Variants in NSD3 observed in about 807,000 individuals in gnomAD.
NSD3 encodes histone-lysine N-methyltransferase NSD3.
Under a neutral mutation model 160.8 loss-of-function variants are expected in NSD3, and 24 were observed. The ratio of observed to expected loss-of-function variants is 0.15; its 90% CI spans 0.11 to 0.21. The LOEUF (loss-of-function observed/expected upper bound fraction) is 0.21. NSD3 is among the 10% of genes least tolerant of loss of function. The probability of loss-of-function intolerance (pLI) is 1.00; values close to 1 mark genes in which losing one functional copy is unlikely to be tolerated. For synonymous variants in NSD3, 520 were observed against 600.0 expected (o/e 0.87, Z 1.95); for missense variants, 1,157 against 1,735.9 (o/e 0.67, Z 5.93).
chr8:38,374,354 CACCT>C (rs1811335587), intron 1 of NSD3, among the ~76,000 whole-genome samples: 1 of 152,032 alleles, frequency 6.6e-6, no homozygotes, highest in Non-Finnish European at 1.5e-5. Context: ...AGAAAAAGCA[CACCT>C]ATGTAGAAAA....
At chr8:38,281,651 T>C (rs1461020073) in intron 19 of NSD3, 68 bp from the exon 20 acceptor site, 26 of 915,718 alleles carry the variant, frequency 2.8e-5, no homozygotes, top group African/African-American at 5.1e-5. Flanking sequence ...TAATGACACA[T>C]GTATAACCCA....
intron 12 of NSD3, among the ~76,000 whole-genome samples, chr8:38,312,726 C>T (rs1809563661): frequency 6.6e-6 from 1 of 152,148 alleles, no homozygotes; most frequent in African/African-American, 2.4e-5. Flanking sequence ...ACTTTGCCTT[C>T]TGCCATGATT....
chr8:38,355,972 T>A (rs1810814181), intron 1 of NSD3, among the ~76,000 whole-genome samples: 1 of 152,210 alleles, frequency 6.6e-6, no homozygotes, highest in South Asian at 2.1e-4. Context: ...TCCACAGCAT[T>A]GGCTCTTAAC....
In NSD3 at chr8:38,348,038, C is replaced by T. The variant is rs1258188711; in HGVS notation, c.134G>A (p.Gly45Asp). Residue 45 changes from glycine to aspartate, a missense_variant, in exon 2 of 24, where the codon GGC (glycine) becomes GAC (aspartate). Physicochemically the swap from Gly to Asp is moderately conservative, Grantham distance 94. Coordinates refer to ENST00000317025, the MANE Select transcript of NSD3 (RefSeq NM_023034.2). ...CAAAGTAGCTTCATATGGTGTCTGG[C>T]CACCATCTTCAGCAATGTCACTGTT... is the stretch of plus-strand genomic sequence containing the variant. ...DNNSDIAEDG[G>D]QTPYEATLQQ... 6.2e-7 allele frequency: 1 copy of T among 1,614,164 alleles called. No individual in the cohort carries two copies. Among genetic ancestry groups the T allele is most frequent in the East Asian group, 2.2e-5 (1 of 44,884 alleles).
chr8:38,350,213 C>G (rs921507863), intron 1 of NSD3, among the ~76,000 whole-genome samples: 2 of 152,096 alleles, frequency 1.3e-5, no homozygotes, highest in South Asian at 2.1e-4. Flanking sequence ...TAATGGGATG[C>G]CTGGGTCAAA....
At chr8:38,305,942 G>A (rs1809382237) in intron 12 of NSD3, among the ~76,000 whole-genome samples, 2 of 151,918 alleles carry the variant, frequency 1.3e-5, no homozygotes, top group African/African-American at 4.8e-5. Context: ...CCACAAAAAA[G>A]ACAATTACTT....
At chr8:38,306,861 T>C (rs1809408265) in intron 12 of NSD3, among the ~76,000 whole-genome samples, 1 of 152,076 alleles carries the variant, frequency 6.6e-6, no homozygotes, top group Non-Finnish European at 1.5e-5. Context: ...ATGCCTGTAA[T>C]CCCAGCACTT....
chr8:38,341,103 C>T (rs941358265), intron 2 of NSD3, among the ~76,000 whole-genome samples: 2 of 152,094 alleles, frequency 1.3e-5, no homozygotes, highest in African/African-American at 4.8e-5. Context: ...TGCACTCCAG[C>T]CTGGGTGATG....
chr8:38,372,807 C>G (rs1459278006), intron 1 of NSD3, among the ~76,000 whole-genome samples: 4 of 145,162 alleles, frequency 2.8e-5, no homozygotes, highest in African/African-American at 5.1e-5. Flanking sequence ...CAGGTTCTTA[C>G]TATTATTAAA....
intron 1 of NSD3, chr8:38,380,879 C>A (rs1254006802): frequency 1.3e-5 from 2 of 152,090 alleles, no homozygotes; most frequent in Non-Finnish European, 2.9e-5. Context: ...CCCTTTAAAT[C>A]GAAATAATCT....
At position 38,318,793 on chromosome 8, in the gene NSD3, C is replaced by T. The variant is rs765233464; in HGVS notation, c.1855+102G>A. 8.7e-7 allele frequency: 1 copy of T among 1,149,324 alleles called. No individual in the cohort carries two copies. Among genetic ancestry groups the T allele is most frequent in the Non-Finnish European group, 1.3e-6 (1 of 773,886 alleles). 71.2% of individuals were successfully genotyped at this position (1,149,324 alleles called of 1,614,324 possible). A position where few individuals can be genotyped will look rare whatever the true frequency, so the allele number is the denominator to read the frequency against. On this transcript the variant is annotated intron_variant, in intron 9 of 23. Coordinates refer to ENST00000317025, the MANE Select transcript of NSD3 (RefSeq NM_023034.2). The surrounding 1 kb of genome is among the most constrained non-coding windows in gnomAD (Gnocchi z 5.3). ...ACTGCAATTTCACACTGAAGAGCAA[C>T]AACGATTTACAGAGACAGACAAAAA...
At position 38,293,387 on chromosome 8, in the gene NSD3, T is replaced by C. The variant is rs562976430; in HGVS notation, c.2915+2409A>G. ...CAACATGGTGAAACCCCGTCTCTAC[T>C]AAAAATACAAAAATTAGCCAGGCGT... On this transcript the variant is annotated intron_variant, in intron 16 of 23. Transcript: ENST00000317025. Among the ~76,000 whole-genome samples the C allele has an allele frequency of 5.3e-5, 8 of 150,240 alleles. No homozygotes were observed. In the East Asian group the frequency reaches 1.6e-3, roughly 30 times the overall value.
At chr8:38,280,313 C>CA (rs963705011) in intron 20 of NSD3, 1 of 152,138 alleles carries the variant, frequency 6.6e-6, no homozygotes, top group African/African-American at 2.4e-5. Flanking sequence ...CAAGTGCTGT[C>CA]ACGGTGGCTG....
chr8:38,281,412 GAAACAA>G (rs1207561025), intron 20 of NSD3, 49 bp downstream of exon 20: 6 of 985,290 alleles, frequency 6.1e-6, no homozygotes, highest in East Asian at 5.5e-5. Context: ...TTAAGACTAT[GAAACAA>G]AAACAAAAAC....
At chr8:38,361,778 AAGAC>A (rs1328208504) in intron 1 of NSD3, among the ~76,000 whole-genome samples, 5 of 151,046 alleles carry the variant, frequency 3.3e-5, no homozygotes, top group Admixed American at 6.6e-5. Flanking sequence ...AAAAAAAAAA[AAGAC>A]AGAAAGGGAC....
At chr8:38,299,638 G>A in intron 14 of NSD3, 48 bp from the exon 15 acceptor site, 1 of 1,466,528 alleles carries the variant, frequency 6.8e-7, no homozygotes, top group Non-Finnish European at 9.0e-7. Context: ...AACTACCCAT[G>A]ATTCCATGAG....
intron 14 of NSD3, 182 bp from the exon 15 acceptor site, chr8:38,299,772 G>A (rs959993154): frequency 1.1e-5 from 5 of 468,520 alleles, no homozygotes; most frequent in East Asian, 3.5e-5. Context: ...AAGGGAGTCT[G>A]AACTACTCAA....
chr8:38,279,887 TG>T, intron 20 of NSD3: 3 of 523,730 alleles, frequency 5.7e-6, no homozygotes, highest in South Asian at 3.3e-5. Flanking sequence ...TAGGATAAAG[TG>T]GGATTTAGTT....
Position 38,290,575 on chromosome 8 carries a change from A to C in NSD3, c.3018T>G (p.His1006Gln), listed in dbSNP as rs1172689571. 1 of 1,614,170 alleles carries C rather than the reference A, an allele frequency of 6.2e-7. No homozygotes were observed. ...GDFPVFFFGS[H>Q]DYYWVHQGRV... Reference sequence around the variant, plus strand: ...TGCCCTGGTGTACCCAGTAGTAGTCATGAGAACCAAAGAAGAATACAGGGA... The same window carrying C: ...TGCCCTGGTGTACCCAGTAGTAGTCCTGAGAACCAAAGAAGAATACAGGGA... The change falls in exon 17 of 24, where the codon CAT (histidine) becomes CAG (glutamine). Residue 1006 changes from histidine to glutamine, a missense_variant. Transcript: ENST00000317025.
Sources: gnomAD v4.1 joint callset for allele counts (sites outside exome capture counted in the v4.1 genomes callset) on GRCh38, gnomAD v4.1.1 for gene constraint, Gnocchi (gnomAD v3.1) non-coding constraint, MANE v1.5 for transcripts, NCBI Gene and HGNC (gene_info 2026-07-23, HGNC 2026-07-21) for gene names.